Variants in SPON1 observed in about 807,000 individuals in gnomAD.
SPON1 encodes the protein spondin 1.
Under a neutral mutation model 111.7 loss-of-function variants are expected in SPON1, and 52 were observed. That is an observed-to-expected ratio of 0.47 (90% CI 0.37 to 0.59). The LOEUF (loss-of-function observed/expected upper bound fraction) is 0.59, where lower values mean the gene tolerates loss of function less well. Ranked by LOEUF, SPON1 falls within the 20% of genes least tolerant of loss-of-function variation. The pLI is 0.00. For missense variants in SPON1, 957 were observed against 1,068.5 expected (o/e 0.90, Z 1.46); for synonymous variants, 410 against 395.8 (o/e 1.04, Z -0.43).
At chr11:14,206,979 CA>C (rs2133899816) in intron 6 of SPON1, among the ~76,000 whole-genome samples, 1 of 152,274 alleles carries the variant, frequency 6.6e-6, no homozygotes, top group Admixed American at 6.5e-5. Context: ...TACCTGACTT[CA>C]AACTGTACTA....
chr11:14,166,305 C>A (rs543602855), intron 6 of SPON1, among the ~76,000 whole-genome samples: 3 of 152,114 alleles, frequency 2.0e-5, no homozygotes, highest in African/African-American at 7.2e-5. Flanking sequence ...AAATAGTTTC[C>A]GAATTCTGGA....
chr11:14,122,933 ATTTT>A (rs34948884), intron 5 of SPON1, among the ~76,000 whole-genome samples: 1 of 132,554 alleles, frequency 7.5e-6, no homozygotes, highest in African/African-American at 2.9e-5. Context: ...TGCTCTTGTA[ATTTT>A]TTTTTTTTTT....
At chr11:14,078,877 T>C (rs1441702565) in intron 4 of SPON1, among the ~76,000 whole-genome samples, 1 of 152,240 alleles carries the variant, frequency 6.6e-6, no homozygotes, top group Non-Finnish European at 1.5e-5. Context: ...ATGGATTTTA[T>C]ATATTTAAAC....
chr11:13,974,708 C>T (rs782014631), intron 1 of SPON1, among the ~76,000 whole-genome samples: 7 of 152,148 alleles, frequency 4.6e-5, no homozygotes, highest in Non-Finnish European at 7.3e-5. Context: ...ATTACACAAC[C>T]TCCAGCCTGA....
intron 2 of SPON1, among the ~76,000 whole-genome samples, chr11:14,004,238 G>A (rs11023049): frequency 0.095 from 14,462 of 152,054 alleles, 725 homozygotes; most frequent in South Asian, 0.18. Context: ...TTTCCCAAAT[G>A]AACATGGACA....
chr11:14,091,018 G>C (rs1849050640), intron 5 of SPON1, among the ~76,000 whole-genome samples: 1 of 151,958 alleles, frequency 6.6e-6, no homozygotes, highest in Admixed American at 6.6e-5. Context: ...GCTAGACACA[G>C]CGTGTCGATT....
chr11:14,152,656 T>G (rs1382486595), intron 6 of SPON1, among the ~76,000 whole-genome samples: 3 of 152,258 alleles, frequency 2.0e-5, no homozygotes, highest in African/African-American at 7.2e-5. Flanking sequence ...AATCATTTCA[T>G]AGGATTTCAT....
chr11:14,261,244 CCT>C (rs1406958884), intron 14 of SPON1, among the ~76,000 whole-genome samples: 3 of 152,178 alleles, frequency 2.0e-5, no homozygotes, highest in African/African-American at 7.2e-5. Context: ...CACTCCCAGT[CCT>C]GTTTTCCAAA....
At position 13,982,829 on chromosome 11, in the gene SPON1, T is replaced by C; in HGVS notation, c.239-18T>C. ...ATTGATTCTTATACTTAAAACCTGC[T>C]TTTTTCTCTCTCTGCAGTAACACTT... On this transcript the variant is annotated intron_variant, in intron 1 of 15. Coordinates refer to ENST00000576479, the MANE Select transcript of SPON1 (RefSeq NM_006108.4). 2 of 1,515,314 alleles carry C rather than the reference T, an allele frequency of 1.3e-6. No homozygotes were observed. Among genetic ancestry groups the C allele is most frequent in the Non-Finnish European group, 1.8e-6 (2 of 1,113,540 alleles). The allele number at this position is 1,515,314 out of a possible 1,614,324, so 93.9% of individuals were successfully genotyped here. A position where few individuals can be genotyped will look rare whatever the true frequency, so the allele number is the denominator to read the frequency against.
rs577125425 is a variant in SPON1, at chr11:13,980,043, T to C, written c.239-2804T>C. 1.1e-3 allele frequency among the ~76,000 whole-genome samples: 160 copies of C among 150,462 alleles called. 1 individual carries two copies. The South Asian group carries it at 0.033, about 31-fold the overall frequency. On this transcript the variant is annotated intron_variant, in intron 1 of 15. Transcript: ENST00000576479. Reference sequence around the variant, plus strand: ...CTTTATTGTGCTTTTTTTCCCCTCATTCCTTCTTTTTTTTTTTGACAGAGT... The same window carrying C: ...CTTTATTGTGCTTTTTTTCCCCTCACTCCTTCTTTTTTTTTTTGACAGAGT...
Position 14,257,724 on chromosome 11 carries a change from C to T in SPON1, c.1318C>T (p.Pro440Ser). ...APEEKDEDDT[P>S]ETCIYSNWSP... is the part of the protein sequence containing the mutation. The stretch of plus-strand genomic sequence containing the variant: ...TCAAACACTCTTTCCAGATGACACC[C>T]CTGAAACCTGCATCTACTCCAACTG... The change falls in exon 11 of 16, where the codon CCT (proline) becomes TCT (serine). Residue 440 changes from proline to serine, a missense_variant. This residue lies in a region of SPON1 where 549 missense variants were observed against 606.2 expected (regional missense o/e 0.91). Coordinates refer to ENST00000576479, the MANE Select transcript of SPON1 (RefSeq NM_006108.4). 6.2e-7 allele frequency: 1 copy of T among 1,610,428 alleles called. No homozygotes were observed. The highest frequency in any genetic ancestry group is 8.5e-7 in the Non-Finnish European group (1 of 1,178,228).
At chr11:14,002,353 G>C (rs1020564564) in intron 2 of SPON1, among the ~76,000 whole-genome samples, 1 of 152,162 alleles carries the variant, frequency 6.6e-6, no homozygotes, top group Middle Eastern at 3.4e-3. Context: ...TGCGGACCCT[G>C]CATCTTTTAT....
chr11:13,963,976 C>A (rs905036830), intron 1 of SPON1, among the ~76,000 whole-genome samples: 1 of 152,154 alleles, frequency 6.6e-6, no homozygotes, highest in Admixed American at 6.5e-5. Context: ...CCAGGGATGT[C>A]GCGCCTACGC....
chr11:14,165,453 T>C (rs1848018291), intron 6 of SPON1, among the ~76,000 whole-genome samples: 1 of 152,188 alleles, frequency 6.6e-6, no homozygotes, highest in Admixed American at 6.6e-5. Context: ...AGTGTACTCA[T>C]GCAGGCCTGG....
At chr11:14,091,074 T>A (rs1347026741) in intron 5 of SPON1, among the ~76,000 whole-genome samples, 1 of 151,942 alleles carries the variant, frequency 6.6e-6, no homozygotes, top group Non-Finnish European at 1.5e-5. Context: ...CTGATTGGTG[T>A]ATTTACAATC....
intron 6 of SPON1, among the ~76,000 whole-genome samples, chr11:14,213,205 T>C (rs1032640571): frequency 2.0e-5 from 3 of 152,194 alleles, no homozygotes; most frequent in Admixed American, 2.0e-4. Flanking sequence ...AGCCCAATTA[T>C]GTTTGATTAA....
chr11:14,237,758 G>A (rs1278693178), intron 6 of SPON1, among the ~76,000 whole-genome samples: 6 of 152,258 alleles, frequency 3.9e-5, no homozygotes, highest in Non-Finnish European at 7.3e-5. Context: ...CAAACCGGTC[G>A]TCAGAACAGC....
intron 5 of SPON1, among the ~76,000 whole-genome samples, chr11:14,124,161 T>C (rs1554926801): frequency 6.6e-6 from 1 of 152,084 alleles, no homozygotes; most frequent in African/African-American, 2.4e-5. Context: ...TCATCACTGA[T>C]CATCCAGTCT....
At chr11:13,977,586 TC>T (rs1554909169) in intron 1 of SPON1, among the ~76,000 whole-genome samples, 1 of 152,208 alleles carries the variant, frequency 6.6e-6, no homozygotes, top group Non-Finnish European at 1.5e-5. Context: ...TAGATAAAAG[TC>T]AGTTTCTGGT....
Sources: gnomAD v4.1 joint callset for allele counts (sites outside exome capture counted in the v4.1 genomes callset) on GRCh38, gnomAD v4.1.1 for gene constraint, gnomAD v4.1.1 regional missense constraint, MANE v1.5 for transcripts, NCBI Gene and HGNC (gene_info 2026-07-23, HGNC 2026-07-21) for gene names.